The following ABT1 variants were observed in gnomAD, a reference collection of about 807,000 sequenced individuals.
ABT1 encodes the protein activator of basal transcription 1.
In ABT1, 13 loss-of-function variants were observed where a neutral mutation model predicts 14.0. The ratio of observed to expected loss-of-function variants is 0.93; its 90% CI spans 0.61 to 1.48. The LOEUF is 1.48. Ranked by LOEUF, ABT1 falls within the 40% of genes most tolerant of loss-of-function variation. The pLI is 0.00. For synonymous variants in ABT1, 165 were observed against 144.6 expected, an observed-to-expected ratio of 1.14 and a Z score of -1.01; for missense variants, 430 against 380.0, an observed-to-expected ratio of 1.13 and a Z score of -1.09.
chr6:26,597,177 T>A lies in ABT1; in HGVS notation c.195T>A (p.Leu65=), dbSNP rs781953624. The change falls in exon 1 of 3, where the codon CTT becomes CTA. Residue 65 remains leucine, a synonymous_variant. Coordinates refer to ENST00000274849, the MANE Select transcript of ABT1 (RefSeq NM_013375.4). ...TCCGGCCCCTGCACGTCCGCAACCT[T>A]CTCAGCGCCTATGGCGAGGTCGGAC... The part of the protein sequence containing the change: ...PRFRPLHVRN[L]LSAYGEVGRV... The A allele has an allele frequency of 6.2e-7, 1 of 1,614,238 alleles. No homozygotes were observed. The highest frequency in any genetic ancestry group is 1.1e-5 in the South Asian group (1 of 91,088).
intron 1 of ABT1, 28 bp from the exon 2 acceptor site, chr6:26,597,886 T>G (rs782096631): frequency 2.5e-6 from 4 of 1,590,084 alleles, no homozygotes; most frequent in Non-Finnish European, 3.4e-6. Context: ...ATAGGCGTCC[T>G]GGACGGGTCT....
rs1764942925 is a variant in ABT1 at position 26,598,998 on chromosome 6, C to T, written c.*353C>T. 1.5e-5 allele frequency: 3 copies of T among 198,638 alleles called. No individual in the cohort carries two copies. The highest frequency in any genetic ancestry group is 6.9e-5 in the African/African-American group (3 of 43,174). 12.3% of individuals were successfully genotyped at this position (198,638 alleles called of 1,614,324 possible). The stretch of plus-strand genomic sequence containing the variant: ...CTAGGAGGATAATGCCTAGTCCAGG[C>T]AATCTTTCTCTGTTTAGCAGTCACA... On this transcript the variant is annotated 3_prime_UTR_variant, in exon 3 of 3. Transcript: ENST00000274849.
intron 1 of ABT1, among the ~76,000 whole-genome samples, 160 bp downstream of exon 1, chr6:26,597,383 C>A (rs1201509776): frequency 6.8e-6 from 1 of 146,354 alleles, no homozygotes; most frequent in Non-Finnish European, 1.5e-5. Flanking sequence ...GTGAATCAGT[C>A]TGTGAGGATG....
rs1764963730 is a variant in ABT1 at position 26,600,467 on chromosome 6, C to T, written c.*1822C>T. 6.6e-6 allele frequency: 1 copy of T among 152,170 alleles called. No individual in the cohort carries two copies. The highest frequency in any genetic ancestry group is 2.4e-5 in the African/African-American group (1 of 41,422). 9.4% of individuals were successfully genotyped at this position (152,170 alleles called of 1,614,324 possible). A position where few individuals can be genotyped will look rare whatever the true frequency, so the allele number is the denominator to read the frequency against. ...AGGGCTGGTATTTCAGGGTCCATCT[C>T]CAAAACAGTTCTGTACAAAGAGCTC... On this transcript the variant is annotated 3_prime_UTR_variant, in exon 3 of 3. Coordinates refer to ENST00000274849, the MANE Select transcript of ABT1 (RefSeq NM_013375.4).
rs1561909671 is a variant in ABT1 at position 26,597,056 on chromosome 6, C to CGGA, written c.82_84dup (p.Glu28dup). 14 of 1,613,870 alleles carry CGGA rather than the reference C, an allele frequency of 8.7e-6. No homozygotes were observed. The South Asian group carries it at 1.4e-4, about 16-fold the overall frequency. ...GAAGGGACAGAACAGACACTAGATG[C>CGGA]GGAGGAGGAGCAGGAGGAATCCGAA... On this transcript the variant is annotated inframe_insertion, in exon 1 of 3. Transcript: ENST00000274849.
chr6:26,597,330 C>A, intron 1 of ABT1, 107 bp downstream of exon 1: 2 of 1,413,358 alleles, frequency 1.4e-6, no homozygotes, highest in Non-Finnish European at 1.9e-6. Flanking sequence ...GCACGAGTTG[C>A]TGGATTTTGG....
Position 26,598,032 on chromosome 6 carries a change from C to G in ABT1, c.360C>G (p.Arg120=), listed in dbSNP as rs532779074. 19 of 1,614,178 alleles carry G rather than the reference C, an allele frequency of 1.2e-5. No homozygotes were observed. The African/African-American group carries it at 2.4e-4, about 20-fold the overall frequency. ...TCCGTGACAAGCGCATAGCCAAGCG[C>G]GTGGCGGCCAGTCTACACAACACGC... ...VEFRDKRIAK[R]VAASLHNTPM... is the part of the protein sequence containing the mutation. The change falls in exon 2 of 3, where the codon CGC becomes CGG. Residue 120 remains arginine (R), a synonymous_variant. Coordinates refer to ENST00000274849, the MANE Select transcript of ABT1 (RefSeq NM_013375.4).
At position 26,598,013 on chromosome 6, in the gene ABT1, A is replaced by G. The variant is rs1764926002; in HGVS notation, c.341A>G (p.Asp114Gly). Residue 114 changes from aspartate (D) to glycine (G), a missense_variant, in exon 2 of 3, where the codon GAC becomes GGC. Coordinates refer to ENST00000274849, the MANE Select transcript of ABT1 (RefSeq NM_013375.4). ...ACCGAGGGATGGGTGGAGTTCCGTG[A>G]CAAGCGCATAGCCAAGCGCGTGGCG... ...DYTEGWVEFR[D>G]KRIAKRVAAS... 1 of 1,614,124 alleles carries G rather than the reference A, an allele frequency of 6.2e-7. No homozygotes were observed. The highest frequency in any genetic ancestry group is 1.3e-5 in the African/African-American group (1 of 74,944).
At chr6:26,598,227 C>G (rs1554144761) in intron 2 of ABT1, 38 bp from the exon 3 acceptor site, 1 of 1,586,912 alleles carries the variant, frequency 6.3e-7, no homozygotes, top group African/African-American at 1.3e-5. Flanking sequence ...TCTCCCTAAT[C>G]TGCACTATCC....
Position 26,598,267 on chromosome 6 carries a change from C to T in ABT1, c.441C>T (p.Tyr147=). ...CTTTTCTTCTTTTCTGCCCACAGTA[C>T]TTGCACCGTTTCACCTGGTCCCACC... ...PFRYDLWNLK[Y]LHRFTWSHLS... The change falls in exon 3 of 3, where the codon TAC becomes TAT. Residue 147 remains tyrosine (Y), a splice_region_variant and synonymous_variant. Transcript: ENST00000274849. 1.9e-6 allele frequency: 3 copies of T among 1,611,936 alleles called. No homozygotes were observed. The highest frequency in any genetic ancestry group is 2.5e-6 in the Non-Finnish European group (3 of 1,178,188).
intron 2 of ABT1, 75 bp downstream of exon 2, chr6:26,598,185 C>A: frequency 6.4e-7 from 1 of 1,568,984 alleles, no homozygotes; most frequent in South Asian, 1.2e-5. Context: ...TCCCCATGGC[C>A]TCTCATTGGC....
chr6:26,597,673 T>G (rs1316732575), intron 1 of ABT1, among the ~76,000 whole-genome samples: 2 of 152,132 alleles, frequency 1.3e-5, no homozygotes, highest in Non-Finnish European at 2.9e-5. Context: ...ACATTGAGGC[T>G]GAGGACTTGT....
intron 1 of ABT1, 121 bp downstream of exon 1, chr6:26,597,344 T>A: frequency 7.8e-7 from 1 of 1,277,708 alleles, no homozygotes; most frequent in Non-Finnish European, 1.0e-6. Context: ...ATTTTGGGGG[T>A]GGGGAGTGCG....
At chr6:26,597,551 G>A (rs1554144622) in intron 1 of ABT1, among the ~76,000 whole-genome samples, 1 of 152,184 alleles carries the variant, frequency 6.6e-6, no homozygotes, top group East Asian at 1.9e-4. Context: ...AATACAACCT[G>A]AGTAAAAGTC....
Position 26,596,974 on chromosome 6 carries a change from T to C in ABT1, c.-9T>C. 1 of 1,607,692 alleles carries C rather than the reference T, an allele frequency of 6.2e-7. No individual in the cohort carries two copies. Among genetic ancestry groups the C allele is most frequent in the Non-Finnish European group, 8.5e-7 (1 of 1,177,560 alleles). On this transcript the variant is annotated 5_prime_UTR_variant, in exon 1 of 3. Transcript: ENST00000274849. Reference sequence around the variant, plus strand: ...CTTTACGGCCGTCGTGCCGCTCGTGTCAGTCAACATGGAGGCAGAGGAATC... The same window carrying C: ...CTTTACGGCCGTCGTGCCGCTCGTGCCAGTCAACATGGAGGCAGAGGAATC...
Position 26,597,109 on chromosome 6 carries a change from G to GT in ABT1, c.128dup (p.Val44SerfsTer37). 1.9e-6 allele frequency: 3 copies of GT among 1,614,074 alleles called. No individual in the cohort carries two copies. The highest frequency in any genetic ancestry group is 2.5e-6 in the Non-Finnish European group (3 of 1,179,984). On this transcript the variant is annotated frameshift_variant, in exon 1 of 3. Transcript: ENST00000274849. LOFTEE classifies it high-confidence loss of function. ...AGCGGCCTGTGGCAGCAAGAAACGG[G>GT]TAGTGCCAGGTATTGTGTACCTGGG...
chr6:26,598,994 C>T lies in ABT1; in HGVS notation c.*349C>T. 1 of 203,688 alleles carries T rather than the reference C, an allele frequency of 4.9e-6. No individual in the cohort carries two copies. Among genetic ancestry groups the T allele is most frequent in the Non-Finnish European group, 9.9e-6 (1 of 101,492 alleles). 12.6% of individuals were successfully genotyped at this position (203,688 alleles called of 1,614,324 possible). On this transcript the variant is annotated 3_prime_UTR_variant, in exon 3 of 3. Coordinates refer to ENST00000274849, the MANE Select transcript of ABT1 (RefSeq NM_013375.4). Reference sequence around the variant, plus strand: ...CCAACTAGGAGGATAATGCCTAGTCCAGGCAATCTTTCTCTGTTTAGCAGT... The same window carrying T: ...CCAACTAGGAGGATAATGCCTAGTCTAGGCAATCTTTCTCTGTTTAGCAGT...
At position 26,598,424 on chromosome 6, in the gene ABT1, G is replaced by A; in HGVS notation, c.598G>A (p.Gly200Arg). Residue 200 changes from glycine to arginine, a missense_variant, in exon 3 of 3, where the codon GGG becomes AGG. Coordinates refer to ENST00000274849, the MANE Select transcript of ABT1 (RefSeq NM_013375.4). The part of the protein sequence containing the change: ...ERGQRFLAAD[G>R]DPARPDGSWT... ...GGGACAACGCTTTCTTGCGGCCGATGGGGACCCTGCTCGCCCAGATGGCTC... is the reference window on the plus strand; with the variant it reads ...GGGACAACGCTTTCTTGCGGCCGATAGGGACCCTGCTCGCCCAGATGGCTC... The A allele has an allele frequency of 6.2e-7, 1 of 1,614,254 alleles. No homozygotes were observed. Among genetic ancestry groups the A allele is most frequent in the Non-Finnish European group, 8.5e-7 (1 of 1,180,042 alleles).
At position 26,598,556 on chromosome 6, in the gene ABT1, C is replaced by T. The variant is rs782187306; in HGVS notation, c.730C>T (p.Arg244Cys). 1.9e-5 allele frequency: 31 copies of T among 1,610,742 alleles called. No homozygotes were observed. The highest frequency in any genetic ancestry group is 2.3e-5 in the Non-Finnish European group (27 of 1,177,720). ...CCTGGCAACTGCCCAGGACAAGGCCCGCTCCAACAAAGGGCTCCTGGCCAG... is the reference window on the plus strand; with the variant it reads ...CCTGGCAACTGCCCAGGACAAGGCCTGCTCCAACAAAGGGCTCCTGGCCAG... ...ARLATAQDKARSNKGLLARIF... is the reference protein window; with the variant it reads ...ARLATAQDKACSNKGLLARIF... Residue 244 changes from arginine (R) to cysteine (C), a missense_variant, in exon 3 of 3, where the codon CGC becomes TGC. Arg to Cys is a radical substitution (Grantham distance 180, BLOSUM62 -3). Coordinates refer to ENST00000274849, the MANE Select transcript of ABT1 (RefSeq NM_013375.4).
Sources: gnomAD v4.1 joint callset for allele counts (sites outside exome capture counted in the v4.1 genomes callset) on GRCh38, gnomAD v4.1.1 for gene constraint, MANE v1.5 for transcripts, NCBI Gene and HGNC (gene_info 2026-07-23, HGNC 2026-07-21) for gene names.